The following ASB3 variants were observed in gnomAD, a reference collection of about 807,000 sequenced individuals.
ASB3 encodes ankyrin repeat and SOCS box containing 3.
Under a neutral mutation model 54.5 loss-of-function variants are expected in ASB3, and 41 were observed. The ratio of observed to expected loss-of-function variants is 0.75; its 90% CI spans 0.59 to 0.98. The LOEUF (loss-of-function observed/expected upper bound fraction) is 0.98. Among genes scored for constraint, ASB3 ranks in the 50% least tolerant of loss-of-function variants. The pLI, the probability that ASB3 is intolerant of heterozygous loss-of-function variation, is 0.00. For synonymous variants in ASB3, 266 were observed against 221.2 expected (o/e 1.20, Z -1.80); for missense variants, 733 against 620.0 (o/e 1.18, Z -1.94).
intron 9 of ASB3, among the ~76,000 whole-genome samples, chr2:53,675,133 G>A (rs1201947747): frequency 6.6e-6 from 1 of 152,106 alleles, no homozygotes; most frequent in African/African-American, 2.4e-5. Flanking sequence ...TGCATCAAAA[G>A]GCTGTTGATG....
chr2:53,670,740 A>C lies in ASB3; in HGVS notation c.1370-50T>G, dbSNP rs771796257. 5 of 1,556,254 alleles carry C rather than the reference A, an allele frequency of 3.2e-6. No individual in the cohort carries two copies. In the South Asian group the frequency reaches 6.1e-5, roughly 19 times the overall value. On this transcript the variant is annotated intron_variant, in intron 9 of 9. Coordinates refer to ENST00000263634, the MANE Select transcript of ASB3 (RefSeq NM_016115.5). ...GAAACTTTTTTAAACAGAAAGATGT[A>C]ATAGCACATAAAGGTAAATTTTTTT...
intron 3 of ASB3, among the ~76,000 whole-genome samples, chr2:53,748,979 C>T (rs1362678654): frequency 1.3e-5 from 2 of 151,738 alleles, no homozygotes; most frequent in East Asian, 1.9e-4. Flanking sequence ...AGTAAAGGAG[C>T]GTGATGTCTA....
intron 2 of ASB3, among the ~76,000 whole-genome samples, chr2:53,762,805 A>G: frequency 6.6e-6 from 1 of 152,340 alleles, no homozygotes; most frequent in East Asian, 1.9e-4. Context: ...AATGAGATAC[A>G]TAAGAAATAC....
chr2:53,723,949 G>C (rs980916958), intron 5 of ASB3, among the ~76,000 whole-genome samples: 1 of 151,920 alleles, frequency 6.6e-6, no homozygotes, highest in African/African-American at 2.4e-5. Context: ...TGGATTAAAA[G>C]TTTAAATGTA....
chr2:53,717,409 C>T (rs1353675580), intron 5 of ASB3, among the ~76,000 whole-genome samples: 2 of 152,142 alleles, frequency 1.3e-5, no homozygotes, highest in African/African-American at 4.8e-5. Context: ...TTCATAACCA[C>T]TGCATGATAA....
intron 9 of ASB3, among the ~76,000 whole-genome samples, chr2:53,684,582 C>G (rs575427465): frequency 6.6e-6 from 1 of 152,320 alleles, no homozygotes; most frequent in Admixed American, 6.5e-5. Context: ...TCCCATCAAC[C>G]AATCTTCAAA....
chr2:53,735,757 T>C (rs955571030), intron 3 of ASB3, among the ~76,000 whole-genome samples: 3 of 151,876 alleles, frequency 2.0e-5, no homozygotes, highest in Admixed American at 6.5e-5. Flanking sequence ...CTAATAAAGC[T>C]GGAATAATTA....
intron 7 of ASB3, 153 bp from the exon 8 acceptor site, chr2:53,700,681 G>A (rs1384602437): frequency 1.1e-5 from 13 of 1,177,440 alleles, no homozygotes; most frequent in Non-Finnish European, 1.4e-5. Context: ...TGAGATTAGA[G>A]AATGTGGTGG....
rs1351570104 is a variant in ASB3 at position 53,671,696 on chromosome 2, T to TTAATTTCCCTGTGAAATTTAACAATGA, written c.1370-1007_1370-1006insTCATTGTTAAATTTCACAGGGAAATTA. 1.1e-3 allele frequency among the ~76,000 whole-genome samples: 128 copies of TTAATTTCCCTGTGAAATTTAACAATGA among 114,126 alleles called. 9 individuals carry two copies. Among genetic ancestry groups the TTAATTTCCCTGTGAAATTTAACAATGA allele is most frequent in the Non-Finnish European group, 1.4e-3 (71 of 49,620 alleles). 74.9% of individuals were successfully genotyped at this position (114,126 alleles called of 152,430 possible). On this transcript the variant is annotated intron_variant, in intron 9 of 9. Coordinates refer to ENST00000263634, the MANE Select transcript of ASB3 (RefSeq NM_016115.5). ...ATTGCTTGAACCTGGGAGGCGGAGG[T>TTAATTTCCCTGTGAAATTTAACAATGA]TGCAGTGAGCCGAGATCATGCCACT...
chr2:53,764,148 G>A (rs1673304742), intron 2 of ASB3, among the ~76,000 whole-genome samples: 1 of 152,150 alleles, frequency 6.6e-6, no homozygotes, highest in Non-Finnish European at 1.5e-5. Context: ...TATGGACCCA[G>A]AAGTTTATAT....
intron 3 of ASB3, among the ~76,000 whole-genome samples, chr2:53,743,164 C>CTTTTTTTTTTT (rs60857484): frequency 8.5e-6 from 1 of 117,860 alleles, no homozygotes. Flanking sequence ...ATTTTTTTAC[C>CTTTTTTTTTTT]TTTTTTTTTT....
At position 53,774,091 on chromosome 2, in the gene ASB3, C is replaced by T. The variant is rs901229310; in HGVS notation, c.-13-8506G>A. The T allele has an allele frequency of 2.7e-6, 4 of 1,497,078 alleles. No individual in the cohort carries two copies. The African/African-American group carries it at 5.6e-5, about 21-fold the overall frequency. 92.7% of individuals were successfully genotyped at this position (1,497,078 alleles called of 1,614,324 possible). ...CCCTTAGATCACAACCTTTCTTCAC[C>T]TATTTTAATTAGCCTTATAATACCA... is the stretch of plus-strand genomic sequence containing the variant. On this transcript the variant is annotated intron_variant, in intron 1 of 9. Transcript: ENST00000263634.
chr2:53,691,472 G>T (rs1174156957), intron 9 of ASB3, among the ~76,000 whole-genome samples: 4 of 152,136 alleles, frequency 2.6e-5, no homozygotes, highest in African/African-American at 9.7e-5. Context: ...TATTGATAAG[G>T]CAGCGGTTGT....
chr2:53,783,646 A>G (rs1398247061), intron 1 of ASB3, among the ~76,000 whole-genome samples: 1 of 152,234 alleles, frequency 6.6e-6, no homozygotes, highest in Middle Eastern at 3.2e-3. Context: ...AGAGACTGGC[A>G]TTAGACTTGT....
intron 3 of ASB3, among the ~76,000 whole-genome samples, chr2:53,731,180 C>T (rs981743278): frequency 9.2e-5 from 14 of 152,076 alleles, no homozygotes; most frequent in Admixed American, 2.6e-4. Flanking sequence ...GGCGGGTGGA[C>T]CACGAGTTCA....
At chr2:53,759,446 A>C (rs1572982893) in intron 2 of ASB3, among the ~76,000 whole-genome samples, 1 of 152,338 alleles carries the variant, frequency 6.6e-6, no homozygotes, top group East Asian at 1.9e-4. Context: ...TCACTCAGTC[A>C]GCTGCAGACA....
intron 5 of ASB3, among the ~76,000 whole-genome samples, chr2:53,722,189 A>C (rs1670752112): frequency 6.6e-6 from 1 of 151,830 alleles, no homozygotes; most frequent in African/African-American, 2.4e-5. Context: ...AAAAAAAAAA[A>C]ACCTACCAAC....
chr2:53,670,692 T>C lies in ASB3; in HGVS notation c.1370-2A>G, dbSNP rs1206258096. On this transcript the variant is annotated splice_acceptor_variant, in intron 9 of 9. Coordinates refer to ENST00000263634, the MANE Select transcript of ASB3 (RefSeq NM_016115.5). LOFTEE classifies it high-confidence loss of function. ...GATGGGTCAGGGATGGAACAGTGGC[T>C]GGAGAAACAAAAAAAGCAAGGTGAA... is the stretch of plus-strand genomic sequence containing the variant. 1 of 1,593,904 alleles carries C rather than the reference T, an allele frequency of 6.3e-7. No homozygotes were observed. The highest frequency in any genetic ancestry group is 1.4e-5 in the African/African-American group (1 of 73,674).
intron 9 of ASB3, among the ~76,000 whole-genome samples, chr2:53,681,588 TTTCCCAGCACCATTTAA>T (rs1394700761): frequency 6.6e-6 from 1 of 152,198 alleles, no homozygotes; most frequent in East Asian, 1.9e-4. Context: ...GATATCCAGT[TTTCCCAGCACCATTTAA>T]TAAAGAGACT....
Sources: gnomAD v4.1 joint callset for allele counts (sites outside exome capture counted in the v4.1 genomes callset) on GRCh38, gnomAD v4.1.1 for gene constraint, MANE v1.5 for transcripts, NCBI Gene and HGNC (gene_info 2026-07-23, HGNC 2026-07-21) for gene names.